NSF: variants seen among roughly 807,000 people sequenced by gnomAD.
The protein encoded by NSF is N-ethylmaleimide sensitive factor, vesicle fusing ATPase, also known as vesicle-fusing ATPase.
A neutral mutation model predicts 50.3 loss-of-function variants in NSF; 14 were observed. The ratio of observed to expected loss-of-function variants is 0.28; its 90% CI spans 0.18 to 0.44. The LOEUF (loss-of-function observed/expected upper bound fraction) is 0.44. NSF is among the 20% of genes least tolerant of loss of function. The pLI is 1.00. For missense variants in NSF, 218 were observed against 504.3 expected (o/e 0.43, Z 5.44); for synonymous variants, 109 against 175.7 (o/e 0.62, Z 3.00).
At chr17:46,751,224 T>C (rs573006680) in intron 18 of NSF, among the ~76,000 whole-genome samples, 3 of 152,352 alleles carry the variant, frequency 2.0e-5, no homozygotes, top group East Asian at 3.9e-4. Flanking sequence ...TTTTAACTTA[T>C]ATTTATTATG....
rs1043154381 is a variant in NSF, at chr17:46,719,177, T to G, written c.1761+5191T>G. Among the ~76,000 whole-genome samples, 1 of 152,190 alleles carries G rather than the reference T, an allele frequency of 6.6e-6. No homozygotes were observed. The highest frequency in any genetic ancestry group is 1.5e-5 in the Non-Finnish European group (1 of 68,026). On this transcript the variant is annotated intron_variant, in intron 15 of 20. Transcript: ENST00000398238. The surrounding 1 kb of genome is among the most constrained non-coding windows in gnomAD (Gnocchi z 4.3). ...CATTTCAATGACTAAATGCTCAAAT[T>G]TAAGATTTTTCAAAATGTTTTGCAA...
At chr17:46,659,322 C>CTA (rs1383695872) in intron 8 of NSF, among the ~76,000 whole-genome samples, 2 of 37,412 alleles carry the variant, frequency 5.3e-5, no homozygotes, top group South Asian at 1.3e-3. Flanking sequence ...ATGGACATAT[C>CTA]TATATATATC....
intron 9 of NSF, among the ~76,000 whole-genome samples, chr17:46,681,869 C>G (rs961550616): frequency 2.4e-5 from 1 of 40,922 alleles, no homozygotes; most frequent in African/African-American, 1.4e-4. Flanking sequence ...CGGAACCAGT[C>G]AGTTTTGCAG....
chr17:46,712,534 G>A (rs2058730202), intron 14 of NSF, among the ~76,000 whole-genome samples: 1 of 152,200 alleles, frequency 6.6e-6, no homozygotes, highest in African/African-American at 2.4e-5. Context: ...GAAGAAAGAT[G>A]ATGAGTTCAG....
intron 15 of NSF, chr17:46,721,782 A>G: frequency 2.5e-6 from 4 of 1,602,498 alleles, no homozygotes; most frequent in Non-Finnish European, 3.4e-6. Flanking sequence ...TCCTCAAGGA[A>G]GGCATCGTGC....
intron 17 of NSF, 143 bp downstream of exon 17, chr17:46,729,077 G>C: frequency 1.8e-6 from 1 of 551,360 alleles, no homozygotes; most frequent in Non-Finnish European, 3.1e-6. Flanking sequence ...GTCCAGTCTT[G>C]ACTTCTGTTT....
At chr17:46,717,768 G>C (rs2058787723) in intron 15 of NSF, among the ~76,000 whole-genome samples, 1 of 152,130 alleles carries the variant, frequency 6.6e-6, no homozygotes, top group African/African-American at 2.4e-5. Context: ...CAGTGGCGGT[G>C]GCAGGGAAAG....
chr17:46,750,347 TAAC>T (rs2059170142), intron 18 of NSF, among the ~76,000 whole-genome samples: 1 of 152,164 alleles, frequency 6.6e-6, no homozygotes, highest in Non-Finnish European at 1.5e-5. Flanking sequence ...AGCAAAACTC[TAAC>T]AACAACAAAA....
intron 17 of NSF, among the ~76,000 whole-genome samples, chr17:46,738,154 A>G (rs2059029347): frequency 6.6e-6 from 1 of 152,008 alleles, no homozygotes; most frequent in Non-Finnish European, 1.5e-5. Context: ...GGCTGGTCTC[A>G]AACTCCTGGG....
intron 18 of NSF, among the ~76,000 whole-genome samples, chr17:46,751,213 A>T (rs552909973): frequency 1.1e-4 from 16 of 152,312 alleles, no homozygotes; most frequent in South Asian, 2.1e-4. Context: ...AATGTTAAAA[A>T]TTTTAACTTA....
At chr17:46,728,796 A>C in intron 16 of NSF, 59 bp from the exon 17 acceptor site, 1 of 1,198,278 alleles carries the variant, frequency 8.3e-7, no homozygotes, top group African/African-American at 1.6e-5. Context: ...CAAAAACTGA[A>C]TGTTTGGAAT....
At chr17:46,690,624 A>AT (rs1555672588) in intron 9 of NSF, among the ~76,000 whole-genome samples, 1,836 of 110,912 alleles carry the variant, frequency 0.017, 18 homozygotes, top group African/African-American at 0.024. Context: ...AAAAAAAAAA[A>AT]ATATATATAT....
chr17:46,753,412 A>G (rs1473824181), intron 19 of NSF, among the ~76,000 whole-genome samples: 2 of 152,226 alleles, frequency 1.3e-5, no homozygotes, highest in African/African-American at 2.4e-5. Flanking sequence ...AATTTAATCT[A>G]CTGAGCTTTC....
chr17:46,715,109 G>A (rs2058755457), intron 15 of NSF, among the ~76,000 whole-genome samples: 1 of 152,186 alleles, frequency 6.6e-6, no homozygotes, highest in African/African-American at 2.4e-5. Context: ...GATGGAGGAA[G>A]CCGAACTTGT....
At chr17:46,609,791 C>T (rs2057989737) in intron 1 of NSF, among the ~76,000 whole-genome samples, 1 of 141,278 alleles carries the variant, frequency 7.1e-6, no homozygotes, top group South Asian at 2.2e-4. Context: ...GTGCAGTTTA[C>T]TAGATCTTCT....
intron 14 of NSF, among the ~76,000 whole-genome samples, chr17:46,712,126 G>C: frequency 6.6e-6 from 1 of 152,182 alleles, no homozygotes; most frequent in Non-Finnish European, 1.5e-5. Context: ...AGAAGCAGTT[G>C]GATTAGTCTT....
At chr17:46,745,331 T>C (rs1008604239) in intron 17 of NSF, among the ~76,000 whole-genome samples, 3 of 152,220 alleles carry the variant, frequency 2.0e-5, no homozygotes, top group Admixed American at 2.0e-4. Context: ...GGTAATGTTT[T>C]TCAATGTTTT....
At chr17:46,708,640 C>G (rs1456001167) in intron 13 of NSF, among the ~76,000 whole-genome samples, 1 of 149,432 alleles carries the variant, frequency 6.7e-6, no homozygotes, top group African/African-American at 2.5e-5. Context: ...TGTAGGCACC[C>G]ATCACCATGC....
intron 17 of NSF, among the ~76,000 whole-genome samples, chr17:46,734,479 CT>C (rs2058980725): frequency 6.6e-6 from 1 of 151,654 alleles, no homozygotes; most frequent in Non-Finnish European, 1.5e-5. Flanking sequence ...ATAATACTCT[CT>C]TTAGGTATAC....
Sources: gnomAD v4.1 joint callset for allele counts (sites outside exome capture counted in the v4.1 genomes callset) on GRCh38, gnomAD v4.1.1 for gene constraint, Gnocchi (gnomAD v3.1) non-coding constraint, MANE v1.5 for transcripts, NCBI Gene and HGNC (gene_info 2026-07-23, HGNC 2026-07-21) for gene names.